NR5A2: variants seen among roughly 807,000 people sequenced by gnomAD.
The protein encoded by NR5A2 is CYP7A promoter-binding factor.
NR5A2 carries 26 observed loss-of-function variants against 62.7 expected under a neutral mutation model. That is an observed-to-expected ratio of 0.41 (90% CI 0.30 to 0.58). The LOEUF (loss-of-function observed/expected upper bound fraction) is 0.58, where lower values mean the gene tolerates loss of function less well. NR5A2 is among the 20% of genes least tolerant of loss of function. The pLI, the probability that NR5A2 is intolerant of heterozygous loss-of-function variation, is 0.22. For missense variants in NR5A2, 541 were observed against 669.1 expected (o/e 0.81, Z 2.11); for synonymous variants, 246 against 241.7 (o/e 1.02, Z -0.16).
intron 5 of NR5A2, among the ~76,000 whole-genome samples, chr1:200,070,343 T>A (rs933837298): frequency 2.0e-5 from 3 of 151,746 alleles, no homozygotes; most frequent in African/African-American, 7.3e-5. Context: ...TATTTGGGAG[T>A]GTCTGAGGAT....
Position 200,048,965 on chromosome 1 carries a change from T to C in NR5A2, c.1110+147T>C. The C allele has an allele frequency of 1.9e-6, 2 of 1,049,196 alleles. No individual in the cohort carries two copies. The highest frequency in any genetic ancestry group is 4.9e-5 in the East Asian group (2 of 40,980). The allele number at this position is 1,049,196 out of a possible 1,614,324, so 65.0% of individuals were successfully genotyped here. On this transcript the variant is annotated intron_variant, in intron 5 of 7. Coordinates refer to ENST00000367362, the MANE Select transcript of NR5A2 (RefSeq NM_205860.3). The surrounding 1 kb of genome is among the most constrained non-coding windows in gnomAD (Gnocchi z 4.8). ...ACAGAGTAGACGTAATTTTATTACC[T>C]TGACTTCAGGACTGTGGCAGCTTAA...
intron 5 of NR5A2, among the ~76,000 whole-genome samples, chr1:200,059,531 T>C (rs1663090391): frequency 6.6e-6 from 1 of 152,166 alleles, no homozygotes; most frequent in South Asian, 2.1e-4. Context: ...AGGCTGCCAG[T>C]GTTACTTCCT....
chr1:200,066,375 A>G (rs1202640407), intron 5 of NR5A2, among the ~76,000 whole-genome samples: 1 of 149,476 alleles, frequency 6.7e-6, no homozygotes, highest in Non-Finnish European at 1.5e-5. Flanking sequence ...AATCCTGCAC[A>G]TGTTCTAAAA....
At chr1:200,153,198 C>T (rs1653216807) in intron 7 of NR5A2, among the ~76,000 whole-genome samples, 1 of 152,172 alleles carries the variant, frequency 6.6e-6, no homozygotes, top group Non-Finnish European at 1.5e-5. Context: ...AAATGGAAGT[C>T]TAAGTAGAGT....
chr1:200,111,472 G>C, intron 6 of NR5A2, 151 bp downstream of exon 6: 1 of 784,558 alleles, frequency 1.3e-6, no homozygotes, highest in Non-Finnish European at 1.9e-6. Context: ...GGTGCACTCT[G>C]TTCCTGCTCT....
intron 5 of NR5A2, among the ~76,000 whole-genome samples, chr1:200,092,857 T>C (rs1664880775): frequency 6.6e-6 from 1 of 150,952 alleles, no homozygotes; most frequent in African/African-American, 2.4e-5. Context: ...AACATTGATA[T>C]TACTAAAAGA....
At chr1:200,080,390 T>C (rs932824568) in intron 5 of NR5A2, among the ~76,000 whole-genome samples, 1 of 152,152 alleles carries the variant, frequency 6.6e-6, no homozygotes, top group Admixed American at 6.5e-5. Context: ...TATGCTTTGA[T>C]TTATAGTATT....
chr1:200,096,223 G>T (rs1048409938), intron 5 of NR5A2, among the ~76,000 whole-genome samples: 1 of 152,082 alleles, frequency 6.6e-6, no homozygotes, highest in Non-Finnish European at 1.5e-5. Flanking sequence ...GAGTAGCCAG[G>T]ACTACAGGTG....
chr1:200,066,886 C>A (rs1663506792), intron 5 of NR5A2, among the ~76,000 whole-genome samples: 1 of 152,192 alleles, frequency 6.6e-6, no homozygotes, highest in Admixed American at 6.6e-5. Flanking sequence ...CCCCTGCCAT[C>A]TATTTTAAAG....
At chr1:200,035,663 AT>A (rs1277023855) in intron 1 of NR5A2, among the ~76,000 whole-genome samples, 3 of 152,160 alleles carry the variant, frequency 2.0e-5, no homozygotes, top group Non-Finnish European at 4.4e-5. Flanking sequence ...CGTGGATAAA[AT>A]ATGCTAGGAC....
At chr1:200,062,269 A>AGTGTGTGTG in intron 5 of NR5A2, among the ~76,000 whole-genome samples, 3 of 89,794 alleles carry the variant, frequency 3.3e-5, no homozygotes, top group Middle Eastern at 5.7e-3. Flanking sequence ...ATCTGTGTCC[A>AGTGTGTGTG]TGTGTGTATC....
chr1:200,144,098 TCAC>T (rs1316419851), intron 7 of NR5A2, among the ~76,000 whole-genome samples: 1 of 152,038 alleles, frequency 6.6e-6, no homozygotes, highest in African/African-American at 2.4e-5. Context: ...AAATGAGAAT[TCAC>T]CACAATATTT....
intron 4 of NR5A2, among the ~76,000 whole-genome samples, chr1:200,046,657 A>G (rs966054256): frequency 6.6e-6 from 1 of 152,200 alleles, no homozygotes; most frequent in Non-Finnish European, 1.5e-5. Flanking sequence ...TATCATTTTT[A>G]AGAGATCATG....
chr1:200,118,802 A>C (rs1368563680), intron 6 of NR5A2, among the ~76,000 whole-genome samples: 1 of 152,254 alleles, frequency 6.6e-6, no homozygotes, highest in Non-Finnish European at 1.5e-5. Context: ...TTGAGACGTC[A>C]CTTTGTGTGC....
Position 200,173,948 on chromosome 1 carries a change from T to G in NR5A2, c.1379-15T>G. 1 of 1,391,834 alleles carries G rather than the reference T, an allele frequency of 7.2e-7. No individual in the cohort carries two copies. The highest frequency in any genetic ancestry group is 9.4e-7 in the Non-Finnish European group (1 of 1,065,744). The allele number at this position is 1,391,834 out of a possible 1,614,324, so 86.2% of individuals were successfully genotyped here. A position where few individuals can be genotyped will look rare whatever the true frequency, so the allele number is the denominator to read the frequency against. The stretch of plus-strand genomic sequence containing the variant: ...TATTGAAATGTTGCTTTTTTTTTTT[T>G]TTTTTTTAATGCAGATGTCAAAAAC... On this transcript the variant is annotated splice_polypyrimidine_tract_variant and intron_variant, in intron 7 of 7. Coordinates refer to ENST00000367362, the MANE Select transcript of NR5A2 (RefSeq NM_205860.3).
intron 3 of NR5A2, 111 bp from the exon 4 acceptor site, chr1:200,045,332 G>A: frequency 1.1e-6 from 1 of 911,846 alleles, no homozygotes; most frequent in South Asian, 2.1e-5. Context: ...AACCACATAA[G>A]GGCTCAAATA....
At chr1:200,092,588 G>A (rs531187163) in intron 5 of NR5A2, among the ~76,000 whole-genome samples, 5 of 152,224 alleles carry the variant, frequency 3.3e-5, no homozygotes, top group Admixed American at 3.3e-4. Flanking sequence ...TTCTGGGCCT[G>A]AGAATTCTAG....
chr1:200,148,906 C>A (rs1472097211), intron 7 of NR5A2, among the ~76,000 whole-genome samples: 1 of 125,296 alleles, frequency 8.0e-6, no homozygotes. Context: ...GCATGCGGTA[C>A]TTTTTTTTTT....
intron 5 of NR5A2, among the ~76,000 whole-genome samples, chr1:200,089,584 C>T (rs543835450): frequency 6.6e-6 from 1 of 152,316 alleles, no homozygotes; most frequent in Non-Finnish European, 1.5e-5. Flanking sequence ...ACTCTTGTGC[C>T]TCAGCCTCCT....
Sources: allele counts gnomAD v4.1 joint callset (sites outside exome capture counted in the v4.1 genomes callset), GRCh38; gene constraint gnomAD v4.1.1; non-coding constraint Gnocchi (gnomAD v3.1); transcripts MANE v1.5; gene names NCBI Gene and HGNC (gene_info 2026-07-23, HGNC 2026-07-21).